Variants in PTPRM observed in about 807,000 individuals in gnomAD.
The protein encoded by PTPRM is protein tyrosine phosphatase receptor type M, also known as receptor-type tyrosine-protein phosphatase mu.
In PTPRM, 47 loss-of-function variants were observed where a neutral mutation model predicts 186.7. The ratio of observed to expected loss-of-function variants is 0.25; its 90% CI spans 0.20 to 0.32. The LOEUF (loss-of-function observed/expected upper bound fraction) is 0.32, where lower values mean the gene tolerates loss of function less well. PTPRM is among the 10% of genes least tolerant of loss of function. The probability of loss-of-function intolerance (pLI) is 1.00; values close to 1 mark genes in which losing one functional copy is unlikely to be tolerated. For missense variants in PTPRM, 1,494 were observed against 1,865.0 expected, an observed-to-expected ratio of 0.80 and a Z score of 3.66; for synonymous variants, 668 against 674.9, an observed-to-expected ratio of 0.99 and a Z score of 0.16.
chr18:8,376,085 T>C lies in PTPRM; in HGVS notation c.3211T>C (p.Phe1071Leu). Residue 1071 changes from phenylalanine (F) to leucine (L), a missense_variant, in exon 25 of 33, where the codon TTC becomes CTC. By Grantham distance (22) the Phe-to-Leu change is conservative (BLOSUM62 0). Transcript: ENST00000580170. ...HEIREIRQFH[F>L]TGWPDHGVPY... The stretch of plus-strand genomic sequence containing the variant: ...AATCCGAGAGATCAGACAGTTTCAC[T>C]TCACTGGCTGGCCGGATCATGGGGT... The C allele has an allele frequency of 6.2e-7, 1 of 1,613,884 alleles. No individual in the cohort carries two copies. Among genetic ancestry groups the C allele is most frequent in the Non-Finnish European group, 8.5e-7 (1 of 1,179,782 alleles).
intron 14 of PTPRM, among the ~76,000 whole-genome samples, chr18:8,215,549 T>C (rs1360317270): frequency 8.1e-5 from 11 of 135,526 alleles, no homozygotes; most frequent in East Asian, 2.0e-4. Context: ...TCTTTTCTTT[T>C]TTTTTTTTTT....
rs16952929 is a variant in PTPRM, at chr18:8,137,059, G to A, written c.2168-6588G>A. Reference sequence around the variant, plus strand: ...TTTTGGGACCAGTGCTCTTTGAAACGCACTTGAAGGAACAATATTTTTACA... The same window carrying A: ...TTTTGGGACCAGTGCTCTTTGAAACACACTTGAAGGAACAATATTTTTACA... On this transcript the variant is annotated intron_variant, in intron 13 of 32. Transcript: ENST00000580170. Among the ~76,000 whole-genome samples the A allele has an allele frequency of 8.2e-3, 1,248 of 152,266 alleles. 14 individuals are homozygous for A. The highest frequency in any genetic ancestry group is 0.028 in the African/African-American group (1,153 of 41,560).
chr18:8,245,079 A>C (rs2147306450), intron 15 of PTPRM, among the ~76,000 whole-genome samples: 1 of 152,314 alleles, frequency 6.6e-6, no homozygotes, highest in African/African-American at 2.4e-5. Flanking sequence ...GAGCACAGAA[A>C]TGGCATCTGG....
intron 14 of PTPRM, among the ~76,000 whole-genome samples, chr18:8,174,497 T>C (rs2093452577): frequency 6.6e-6 from 1 of 152,164 alleles, no homozygotes; most frequent in African/African-American, 2.4e-5. Context: ...AGAATTGTAA[T>C]ATATTATAGT....
chr18:8,094,736 A>G (rs1041941584), intron 11 of PTPRM, among the ~76,000 whole-genome samples: 3 of 152,214 alleles, frequency 2.0e-5, no homozygotes, highest in Non-Finnish European at 2.9e-5. Context: ...AGTGTCGCAC[A>G]TAGCCTTTTA....
At chr18:7,628,751 A>C (rs2038120876) in intron 1 of PTPRM, among the ~76,000 whole-genome samples, 1 of 152,194 alleles carries the variant, frequency 6.6e-6, no homozygotes, top group Non-Finnish European at 1.5e-5. Flanking sequence ...GCTGCTGCCC[A>C]ACAAAATAGA....
intron 1 of PTPRM, among the ~76,000 whole-genome samples, chr18:7,664,624 C>T (rs1250579844): frequency 1.3e-5 from 2 of 152,216 alleles, no homozygotes; most frequent in Admixed American, 6.5e-5. Context: ...GCTTTCCTTG[C>T]AGCGTGGTGG....
At chr18:7,816,007 A>G (rs1458679465) in intron 2 of PTPRM, among the ~76,000 whole-genome samples, 1 of 152,212 alleles carries the variant, frequency 6.6e-6, no homozygotes, top group Non-Finnish European at 1.5e-5. Context: ...ATAAGACATC[A>G]GTAATGGTGA....
At chr18:8,297,104 C>T (rs2095105338) in intron 20 of PTPRM, among the ~76,000 whole-genome samples, 1 of 152,164 alleles carries the variant, frequency 6.6e-6, no homozygotes, top group Admixed American at 6.5e-5. Flanking sequence ...TGATGAAACC[C>T]CTTCTCCCAG....
Position 8,018,974 on chromosome 18 carries a change from C to T in PTPRM, c.1133-50712C>T, listed in dbSNP as rs550942535. Among the ~76,000 whole-genome samples the T allele has an allele frequency of 2.0e-4, 31 of 152,192 alleles. No individual in the cohort carries two copies. The South Asian group carries it at 5.8e-3, about 29-fold the overall frequency. Reference sequence around the variant, plus strand: ...ACGTTAATTTTCCCATCCGTAATAACGACAGTAATAACATCCAAAACCAGT... The same window carrying T: ...ACGTTAATTTTCCCATCCGTAATAATGACAGTAATAACATCCAAAACCAGT... On this transcript the variant is annotated intron_variant, in intron 7 of 32. Coordinates refer to ENST00000580170, the MANE Select transcript of PTPRM (RefSeq NM_001105244.2).
At chr18:7,966,819 T>G (rs1471958250) in intron 7 of PTPRM, among the ~76,000 whole-genome samples, 3 of 130,444 alleles carry the variant, frequency 2.3e-5, no homozygotes, top group African/African-American at 7.6e-5. Flanking sequence ...CCACGGAGTC[T>G]CGCTGATTGC....
chr18:8,198,763 A>C (rs2093813676), intron 14 of PTPRM, among the ~76,000 whole-genome samples: 1 of 152,122 alleles, frequency 6.6e-6, no homozygotes, highest in Non-Finnish European at 1.5e-5. Context: ...GTTTATCTAG[A>C]TATGGTGGAC....
At chr18:7,926,737 C>G in intron 5 of PTPRM, 54 bp downstream of exon 5, 2 of 1,363,404 alleles carry the variant, frequency 1.5e-6, no homozygotes, top group South Asian at 1.4e-5. Flanking sequence ...AGAATACACT[C>G]CCCCTGGAGG....
At position 7,790,835 on chromosome 18, in the gene PTPRM, A is replaced by G. The variant is rs553777356; in HGVS notation, c.196+16564A>G. Among the ~76,000 whole-genome samples, 10 of 152,338 alleles carry G rather than the reference A, an allele frequency of 6.6e-5. No homozygotes were observed. The East Asian group carries it at 1.9e-3, about 29-fold the overall frequency. ...CTTTCTCCCAGTAAATTAAAAAGAA[A>G]AGGAAGGTAACCTTCCGAGGTAGCT... is the stretch of plus-strand genomic sequence containing the variant. On this transcript the variant is annotated intron_variant, in intron 2 of 32. Transcript: ENST00000580170.
intron 14 of PTPRM, among the ~76,000 whole-genome samples, chr18:8,239,486 GC>G (rs1410599854): frequency 2.0e-4 from 30 of 151,356 alleles, no homozygotes; most frequent in African/African-American, 7.3e-4. Context: ...AACTGTGTGA[GC>G]CCCCTTAAAA....
At chr18:8,301,701 A>G (rs2095159618) in intron 20 of PTPRM, among the ~76,000 whole-genome samples, 1 of 152,264 alleles carries the variant, frequency 6.6e-6, no homozygotes, top group Admixed American at 6.5e-5. Flanking sequence ...AACAAAGCAG[A>G]CAGGATGCTA....
intron 1 of PTPRM, among the ~76,000 whole-genome samples, chr18:7,691,091 T>C (rs773644684): frequency 3.9e-5 from 6 of 152,278 alleles, no homozygotes; most frequent in East Asian, 1.9e-4. Context: ...TAAAAGAGAA[T>C]TATTCAGTAA....
chr18:7,984,906 CATATAATT>C (rs1180873575), intron 7 of PTPRM, among the ~76,000 whole-genome samples: 2 of 116,944 alleles, frequency 1.7e-5, no homozygotes. Context: ...TAAATATATA[CATATAATT>C]ATATATACAT....
intron 3 of PTPRM, among the ~76,000 whole-genome samples, chr18:7,896,404 T>G (rs1435491476): frequency 1.3e-5 from 2 of 152,202 alleles, no homozygotes; most frequent in East Asian, 3.9e-4. Flanking sequence ...CCTCAGCTCC[T>G]ACCCAGAATT....
Sources: gnomAD v4.1 joint callset for allele counts (sites outside exome capture counted in the v4.1 genomes callset) on GRCh38, gnomAD v4.1.1 for gene constraint, MANE v1.5 for transcripts, NCBI Gene and HGNC (gene_info 2026-07-23, HGNC 2026-07-21) for gene names.